MYDGF: variants seen among roughly 807,000 people sequenced by gnomAD.
MYDGF encodes the protein myeloid derived growth factor.
A neutral mutation model predicts 24.2 loss-of-function variants in MYDGF; 29 were observed. The observed-to-expected ratio is 1.20, with a 90% CI of 0.89 to 1.63. MYDGF has a LOEUF of 1.63. Among genes scored for constraint, MYDGF ranks in the 40% most tolerant of loss-of-function variants. MYDGF has a pLI of 0.00. For missense variants in MYDGF, 245 were observed against 234.8 expected (o/e 1.04, Z -0.29); for synonymous variants, 105 against 102.5 (o/e 1.02, Z -0.15).
intron 2 of MYDGF, 114 bp from the exon 3 acceptor site, chr19:4,665,051 G>T: frequency 8.5e-7 from 1 of 1,175,254 alleles, no homozygotes; most frequent in Non-Finnish European, 1.2e-6. Flanking sequence ...CCCGATTCAG[G>T]GGCTGGCCAC....
Position 4,664,953 on chromosome 19 carries a change from A to T in MYDGF, c.226-16T>A. ...TCTGCCATTGCTGGGGAGAGAAGACAGCGCGGGTCAGCCCCGGACACACAG... is the reference window on the plus strand; with the variant it reads ...TCTGCCATTGCTGGGGAGAGAAGACTGCGCGGGTCAGCCCCGGACACACAG... On this transcript the variant is annotated splice_polypyrimidine_tract_variant and intron_variant, in intron 2 of 5. Transcript: ENST00000262947. 1.9e-6 allele frequency: 3 copies of T among 1,611,760 alleles called. No individual in the cohort carries two copies. Among genetic ancestry groups the T allele is most frequent in the South Asian group, 2.2e-5 (2 of 90,752 alleles).
chr19:4,666,138 C>T lies in MYDGF; in HGVS notation c.226-1201G>A, dbSNP rs142844323. ...TTCGAGACCAGCCTGGGCAACATAG[C>T]GAGACCCCATCTCTAAAATGACTGG... On this transcript the variant is annotated intron_variant, in intron 2 of 5. Transcript: ENST00000262947. 6.4e-4 allele frequency among the ~76,000 whole-genome samples: 97 copies of T among 152,052 alleles called. 1 individual carries two copies. The highest frequency in any genetic ancestry group is 2.3e-3 in the African/African-American group (96 of 41,508).
intron 2 of MYDGF, among the ~76,000 whole-genome samples, chr19:4,666,989 C>A (rs965042100): frequency 1.3e-5 from 2 of 152,040 alleles, no homozygotes; most frequent in East Asian, 3.9e-4. Context: ...CTCTTGGTTG[C>A]GGGACTGAAG....
At chr19:4,658,772 CTTTGT>C (rs1430237390) in intron 5 of MYDGF, among the ~76,000 whole-genome samples, 3 of 152,200 alleles carry the variant, frequency 2.0e-5, no homozygotes, top group East Asian at 1.9e-4. Context: ...ATGGTTTCTA[CTTTGT>C]TTTATTTCAT....
At chr19:4,658,158 C>G in intron 5 of MYDGF, 74 bp from the exon 6 acceptor site, 1 of 1,372,500 alleles carries the variant, frequency 7.3e-7, no homozygotes. Flanking sequence ...TGGGGTGGGG[C>G]CCATGGTGGG....
intron 1 of MYDGF, 34 bp downstream of exon 1, chr19:4,670,127 G>T: frequency 6.9e-7 from 1 of 1,455,588 alleles, no homozygotes; most frequent in Non-Finnish European, 9.1e-7. Flanking sequence ...GGGCCTGCCA[G>T]CACTCAAATA....
chr19:4,665,103 G>C (rs11880911), intron 2 of MYDGF, among the ~76,000 whole-genome samples, 166 bp from the exon 3 acceptor site: 16,560 of 152,282 alleles, frequency 0.11, 1,128 homozygotes, highest in African/African-American at 0.19. Flanking sequence ...GGGGTTTGCT[G>C]TCATCTGTGA....
At chr19:4,660,054 T>C in intron 4 of MYDGF, 51 bp from the exon 5 acceptor site, 2 of 1,511,312 alleles carry the variant, frequency 1.3e-6, no homozygotes, top group East Asian at 2.3e-5. Flanking sequence ...ATGCTCATCA[T>C]TAGGAAAACG....
At chr19:4,667,787 T>A (rs1421295759) in intron 2 of MYDGF, among the ~76,000 whole-genome samples, 1 of 151,816 alleles carries the variant, frequency 6.6e-6, no homozygotes, top group African/African-American at 2.4e-5. Context: ...AGCCTTGACC[T>A]CCTGGGCTCA....
chr19:4,670,098 T>A, intron 1 of MYDGF, 63 bp downstream of exon 1: 172 of 1,138,958 alleles, frequency 1.5e-4, no homozygotes, highest in Non-Finnish European at 1.8e-4. Flanking sequence ...CCGCCCCCAA[T>A]GCTCCGCGCC....
At chr19:4,658,260 A>C (rs2088438984) in intron 5 of MYDGF, among the ~76,000 whole-genome samples, 176 bp from the exon 6 acceptor site, 1 of 152,232 alleles carries the variant, frequency 6.6e-6, no homozygotes, top group African/African-American at 2.4e-5. Context: ...AGACAGGAAA[A>C]CAGTGATGTG....
intron 5 of MYDGF, among the ~76,000 whole-genome samples, chr19:4,659,395 T>C (rs376508159): frequency 6.6e-6 from 1 of 151,980 alleles, no homozygotes; most frequent in African/African-American, 2.4e-5. Flanking sequence ...GGCTAATTTT[T>C]TGCATTTTTA....
chr19:4,661,888 C>G (rs1332042606), intron 3 of MYDGF, among the ~76,000 whole-genome samples: 1 of 152,132 alleles, frequency 6.6e-6, no homozygotes, highest in Non-Finnish European at 1.5e-5. Context: ...ACCATCCCAA[C>G]TGCTCCAGAC....
At chr19:4,659,852 C>T in intron 5 of MYDGF, 79 bp downstream of exon 5, 1 of 1,306,938 alleles carries the variant, frequency 7.7e-7, no homozygotes, top group Non-Finnish European at 1.1e-6. Context: ...TATGGCTGAC[C>T]CCCCTCTCCA....
chr19:4,664,978 G>A (rs2088509657), intron 2 of MYDGF, 41 bp from the exon 3 acceptor site: 4 of 1,599,236 alleles, frequency 2.5e-6, no homozygotes, highest in Non-Finnish European at 3.4e-6. Context: ...CGGACACACA[G>A]CTGCTCTCGG....
intron 2 of MYDGF, among the ~76,000 whole-genome samples, chr19:4,665,292 G>A (rs1162935949): frequency 1.3e-5 from 2 of 152,116 alleles, no homozygotes; most frequent in Non-Finnish European, 2.9e-5. Flanking sequence ...GCACGATCTC[G>A]CCTCACTGCA....
intron 5 of MYDGF, 60 bp downstream of exon 5, chr19:4,659,871 C>T: frequency 3.3e-6 from 5 of 1,534,028 alleles, no homozygotes; most frequent in Middle Eastern, 1.7e-4. Context: ...CAAACTGCCC[C>T]GATTGCCCAC....
chr19:4,660,649 C>A lies in MYDGF; in HGVS notation c.369+20G>T. Reference sequence around the variant, plus strand: ...GCACAGAAGCCACACCCGGAGCCTGCCCCACTCCAAGATACTCACGTAGGC... The same window carrying A: ...GCACAGAAGCCACACCCGGAGCCTGACCCACTCCAAGATACTCACGTAGGC... On this transcript the variant is annotated intron_variant, in intron 4 of 5. Transcript: ENST00000262947. 6.2e-7 allele frequency: 1 copy of A among 1,608,780 alleles called. No individual in the cohort carries two copies.
In MYDGF at chr19:4,657,914, G is replaced by A. The variant is rs1033729667; in HGVS notation, c.*91C>T. 1.6e-6 allele frequency: 2 copies of A among 1,225,438 alleles called. No individual in the cohort carries two copies. Among genetic ancestry groups the A allele is most frequent in the East Asian group, 5.1e-5 (2 of 39,180 alleles). 75.9% of individuals were successfully genotyped at this position (1,225,438 alleles called of 1,614,324 possible). A position where few individuals can be genotyped will look rare whatever the true frequency, so the allele number is the denominator to read the frequency against. On this transcript the variant is annotated 3_prime_UTR_variant, in exon 6 of 6. Coordinates refer to ENST00000262947, the MANE Select transcript of MYDGF (RefSeq NM_019107.4). The stretch of plus-strand genomic sequence containing the variant: ...GTAGAAAACTTAAGAGTCCCTCCTA[G>A]AAAACCAGTGATGTGCTGGCCCTTT...
Sources: allele counts gnomAD v4.1 joint callset (sites outside exome capture counted in the v4.1 genomes callset), GRCh38; gene constraint gnomAD v4.1.1; transcripts MANE v1.5; gene names NCBI Gene and HGNC (gene_info 2026-07-23, HGNC 2026-07-21).